The following SCARF1 variants were observed in gnomAD, a reference collection of about 807,000 sequenced individuals.
SCARF1 encodes the protein acetyl LDL receptor.
Under a neutral mutation model 76.3 loss-of-function variants are expected in SCARF1, and 49 were observed. The ratio of observed to expected loss-of-function variants is 0.64; its 90% confidence interval spans 0.51 to 0.81. SCARF1 has a LOEUF of 0.81. SCARF1 is among the 40% of genes least tolerant of loss of function. SCARF1 has a pLI of 0.00. For synonymous variants in SCARF1, 495 were observed against 474.6 expected, an observed-to-expected ratio of 1.04 and a Z score of -0.56; for missense variants, 1,098 against 1,143.9, an observed-to-expected ratio of 0.96 and a Z score of 0.58.
intron 4 of SCARF1, 109 bp downstream of exon 4, chr17:1,643,333 G>GC (rs1385692219): frequency 3.7e-5 from 2 of 53,584 alleles, no homozygotes; most frequent in Admixed American, 2.2e-4. Flanking sequence ...ACCTGTCTTC[G>GC]CCCCGCCCCC....
intron 4 of SCARF1, among the ~76,000 whole-genome samples, chr17:1,641,379 C>T (rs1910035772): frequency 6.6e-6 from 1 of 152,178 alleles, no homozygotes; most frequent in Admixed American, 6.5e-5. Flanking sequence ...ATGGGACCCT[C>T]GAGCTGCGGG....
Position 1,640,104 on chromosome 17 carries a change from C to T in SCARF1, c.1011-64G>A. The T allele has an allele frequency of 6.4e-7, 1 of 1,574,414 alleles. No homozygotes were observed. The highest frequency in any genetic ancestry group is 8.6e-7 in the Non-Finnish European group (1 of 1,158,360). ...CAGGCCTGGCCCCCACTGTGGGGCC[C>T]CACCCCTCCGCCCCACGCTCCTGGA... On this transcript the variant is annotated intron_variant, in intron 5 of 10. Transcript: ENST00000263071. This position sits in a 1 kb window ranked among gnomAD's most constrained non-coding sequence, Gnocchi z 4.7.
At position 1,640,667 on chromosome 17, in the gene SCARF1, C is replaced by A; in HGVS notation, c.792-1G>T. On this transcript the variant is annotated splice_acceptor_variant, in intron 4 of 10. Coordinates refer to ENST00000263071, the MANE Select transcript of SCARF1 (RefSeq NM_003693.4). LOFTEE classifies it high-confidence loss of function. The surrounding 1 kb of genome is among the most constrained non-coding windows in gnomAD (Gnocchi z 4.7). ...CTCATTGTGTTTGCAGCGGCCACAGCTGGGAAGAGAAGGGCTTCGTGGGAA... is the reference window on the plus strand; with the variant it reads ...CTCATTGTGTTTGCAGCGGCCACAGATGGGAAGAGAAGGGCTTCGTGGGAA... The A allele has an allele frequency of 1.9e-6, 3 of 1,610,964 alleles. No individual in the cohort carries two copies. In the South Asian group the frequency reaches 3.3e-5, roughly 18 times the overall value.
Position 1,634,766 on chromosome 17 carries a change from C to T in SCARF1, c.2485G>A (p.Glu829Lys), listed in dbSNP as rs1214600298. 1 of 1,592,130 alleles carries T rather than the reference C, an allele frequency of 6.3e-7. No individual in the cohort carries two copies. Among genetic ancestry groups the T allele is most frequent in the Non-Finnish European group, 8.6e-7 (1 of 1,165,744 alleles). ...CCCCAAATTCAAGGTCATCAGGGTT[C>T]TGGTGGCCTGGAGATGGGTACAACA... ...ENVVPISRPP[E>K]P The change falls in exon 11 of 11, where the codon GAA becomes AAA. Residue 829 changes from glutamate to lysine, a missense_variant. Coordinates refer to ENST00000263071, the MANE Select transcript of SCARF1 (RefSeq NM_003693.4).
chr17:1,644,404 T>G lies in SCARF1; in HGVS notation c.265+430A>C. The stretch of plus-strand genomic sequence containing the variant: ...CACCTTTCCCCTAGTGATTCCTTGA[T>G]TCCTGATGCCCACCCTCTGGCTCTC... On this transcript the variant is annotated intron_variant, in intron 3 of 10. Transcript: ENST00000263071. This position sits in a 1 kb window ranked among gnomAD's most constrained non-coding sequence, Gnocchi z 4.8. The G allele has an allele frequency of 1.1e-5, 3 of 267,668 alleles. No individual in the cohort carries two copies. Among genetic ancestry groups the G allele is most frequent in the Non-Finnish European group, 2.1e-5 (3 of 139,912 alleles). 16.6% of individuals were successfully genotyped at this position (267,668 alleles called of 1,614,324 possible).
intron 8 of SCARF1, chr17:1,638,529 G>A (rs1259739649): frequency 3.4e-6 from 1 of 290,072 alleles, no homozygotes; most frequent in Non-Finnish European, 6.4e-6. Context: ...CTTCCGAGGA[G>A]GGCAGGCAGC....
rs768689868 is a variant in SCARF1 at position 1,639,949 on chromosome 17, C to G, written c.1102G>C (p.Gly368Arg). 6.2e-7 allele frequency: 1 copy of G among 1,614,078 alleles called. No individual in the cohort carries two copies. ...CVQGSCDTVT[G>R]DCVCSAGYWG... Reference sequence around the variant, plus strand: ...TAGCCGGCACTGCAGACACAGTCCCCTGTCACAGTATCACAGGACCCCTGA... The same window carrying G: ...TAGCCGGCACTGCAGACACAGTCCCGTGTCACAGTATCACAGGACCCCTGA... Residue 368 changes from glycine to arginine, a missense_variant, in exon 6 of 11, where the codon GGG becomes CGG. Coordinates refer to ENST00000263071, the MANE Select transcript of SCARF1 (RefSeq NM_003693.4).
Position 1,634,588 on chromosome 17 carries a change from G to T in SCARF1, c.*170C>A. The T allele has an allele frequency of 2.3e-6, 2 of 861,636 alleles. No homozygotes were observed. Among genetic ancestry groups the T allele is most frequent in the Non-Finnish European group, 3.4e-6 (2 of 583,296 alleles). 53.4% of individuals were successfully genotyped at this position (861,636 alleles called of 1,614,324 possible). A position where few individuals can be genotyped will look rare whatever the true frequency, so the allele number is the denominator to read the frequency against. ...CAGGGTCTCTGCCCAGGCCTTCCTG[G>T]GCCCCTCCGGGAGCACTGCCAGGGG... On this transcript the variant is annotated 3_prime_UTR_variant, in exon 11 of 11. Coordinates refer to ENST00000263071, the MANE Select transcript of SCARF1 (RefSeq NM_003693.4).
rs1414861174 is a variant in SCARF1, at chr17:1,643,913, G to T, written c.320C>A (p.Pro107Gln). Residue 107 changes from proline (P) to glutamine (Q), a missense_variant, in exon 4 of 11, where the codon CCG (proline) becomes CAG (glutamine). By Grantham distance (76) the Pro-to-Gln change is moderately conservative. Transcript: ENST00000263071. The part of the protein sequence containing the change: ...PDCRESCPCH[P>Q]HGQCEPATGA... ...CGTGGCTGGCTCGCACTGGCCGTGC[G>T]GGTGGCAGGGGCAGCTCTCACGGCA... 2 of 1,344,554 alleles carry T rather than the reference G, an allele frequency of 1.5e-6. No homozygotes were observed. Among genetic ancestry groups the T allele is most frequent in the Non-Finnish European group, 1.9e-6 (2 of 1,051,130 alleles). The allele number at this position is 1,344,554 out of a possible 1,614,324, so 83.3% of individuals were successfully genotyped here.
Position 1,634,721 on chromosome 17 carries a change from G to C in SCARF1, c.*37C>G. Reference sequence around the variant, plus strand: ...ATTTTCCAGCACACAGCACAGTCTAGTCCATCCACTCTCCCCACTCCCCAA... The same window carrying C: ...ATTTTCCAGCACACAGCACAGTCTACTCCATCCACTCTCCCCACTCCCCAA... On this transcript the variant is annotated 3_prime_UTR_variant, in exon 11 of 11. Transcript: ENST00000263071. 6.4e-7 allele frequency: 1 copy of C among 1,551,010 alleles called. No individual in the cohort carries two copies. The highest frequency in any genetic ancestry group is 8.7e-7 in the Non-Finnish European group (1 of 1,146,210).
At position 1,634,692 on chromosome 17, in the gene SCARF1, G is replaced by C; in HGVS notation, c.*66C>G. On this transcript the variant is annotated 3_prime_UTR_variant, in exon 11 of 11. Coordinates refer to ENST00000263071, the MANE Select transcript of SCARF1 (RefSeq NM_003693.4). ...TCTGGTTTGTCTGTCCTGGCCCCGG[G>C]ATCATTTTCCAGCACACAGCACAGT... 6.7e-7 allele frequency: 1 copy of C among 1,502,398 alleles called. No individual in the cohort carries two copies. Among genetic ancestry groups the C allele is most frequent in the Non-Finnish European group, 8.9e-7 (1 of 1,124,346 alleles). The allele number at this position is 1,502,398 out of a possible 1,614,324, so 93.1% of individuals were successfully genotyped here. A position where few individuals can be genotyped will look rare whatever the true frequency, so the allele number is the denominator to read the frequency against.
At chr17:1,635,743 G>T in intron 10 of SCARF1, 126 bp from the exon 11 acceptor site, 3 of 1,168,944 alleles carry the variant, frequency 2.6e-6, no homozygotes, top group African/African-American at 1.6e-5. Context: ...GATGAGGAGA[G>T]TGGCAGAAGG....
intron 10 of SCARF1, among the ~76,000 whole-genome samples, chr17:1,636,367 G>T (rs566852545): frequency 6.6e-6 from 1 of 152,324 alleles, no homozygotes; most frequent in East Asian, 1.9e-4. Flanking sequence ...AGGCGCAGTG[G>T]CTCATGCCTG....
Position 1,635,001 on chromosome 17 carries a change from G to T in SCARF1, c.2250C>A (p.Val750=). The stretch of plus-strand genomic sequence containing the variant: ...TTGGGGCTGAGTTGGGGCTCTGGCC[G>T]ACAGAGCCAGAGGCAAGGCCAGGGC... ...KGSPGLASGS[V]GQSPNSAPKA... The change falls in exon 11 of 11, where the codon GTC becomes GTA. Residue 750 remains valine (V), a synonymous_variant. Transcript: ENST00000263071. The T allele has an allele frequency of 6.2e-7, 1 of 1,613,848 alleles. No individual in the cohort carries two copies. The highest frequency in any genetic ancestry group is 1.1e-5 in the South Asian group (1 of 91,076).
In SCARF1 at chr17:1,634,627, G is replaced by T; in HGVS notation, c.*131C>A. On this transcript the variant is annotated 3_prime_UTR_variant, in exon 11 of 11. Coordinates refer to ENST00000263071, the MANE Select transcript of SCARF1 (RefSeq NM_003693.4). ...CACTGCCAGGGGCCTGGGCCAACTG[G>T]CCTGGAAGCCTTGCCTTTTCCCTGT... 1 of 1,330,608 alleles carries T rather than the reference G, an allele frequency of 7.5e-7. No homozygotes were observed. The highest frequency in any genetic ancestry group is 1.0e-6 in the Non-Finnish European group (1 of 986,096). 82.4% of individuals were successfully genotyped at this position (1,330,608 alleles called of 1,614,324 possible).
At chr17:1,636,652 G>C in intron 10 of SCARF1, 57 bp downstream of exon 10, 1 of 1,575,488 alleles carries the variant, frequency 6.3e-7, no homozygotes, top group Non-Finnish European at 8.7e-7. Flanking sequence ...GAGGACTAAA[G>C]AGGGGGTCGT....
At position 1,633,901 on chromosome 17, in the gene SCARF1, T is replaced by A. The variant is rs1024142114; in HGVS notation, c.*857A>T. ...GTACTTTTTATTTTTTTAACAAAGATCATTGCTTTTTATTATACTTTATCA... is the reference window on the plus strand; with the variant it reads ...GTACTTTTTATTTTTTTAACAAAGAACATTGCTTTTTATTATACTTTATCA... On this transcript the variant is annotated 3_prime_UTR_variant, in exon 11 of 11. Coordinates refer to ENST00000263071, the MANE Select transcript of SCARF1 (RefSeq NM_003693.4). 2 of 152,166 alleles carry A rather than the reference T, an allele frequency of 1.3e-5. No individual in the cohort carries two copies. Among genetic ancestry groups the A allele is most frequent in the South Asian group, 4.1e-4 (2 of 4,836 alleles). 9.4% of individuals were successfully genotyped at this position (152,166 alleles called of 1,614,324 possible).
In SCARF1 at chr17:1,640,078, G is replaced by A; in HGVS notation, c.1011-38C>T. On this transcript the variant is annotated intron_variant, in intron 5 of 10. Transcript: ENST00000263071. The surrounding 1 kb of genome is among the most constrained non-coding windows in gnomAD (Gnocchi z 4.7). Reference sequence around the variant, plus strand: ...AAGACTCGGGGAAGGGGAGACCAAGGCAGGCCTGGCCCCCACTGTGGGGCC... The same window carrying A: ...AAGACTCGGGGAAGGGGAGACCAAGACAGGCCTGGCCCCCACTGTGGGGCC... The A allele has an allele frequency of 1.2e-6, 2 of 1,605,730 alleles. No homozygotes were observed. The highest frequency in any genetic ancestry group is 8.5e-7 in the Non-Finnish European group (1 of 1,176,394).
Position 1,639,619 on chromosome 17 carries a change from G to T in SCARF1, c.1243+20C>A. ...CGCCTTTCCCTGGCTACTGCACCCC[G>T]CAGCCTTCTTCCACCTTACCTGGCT... On this transcript the variant is annotated intron_variant, in intron 7 of 10. Coordinates refer to ENST00000263071, the MANE Select transcript of SCARF1 (RefSeq NM_003693.4). 2 of 1,537,672 alleles carry T rather than the reference G, an allele frequency of 1.3e-6. No homozygotes were observed. The highest frequency in any genetic ancestry group is 1.8e-6 in the Non-Finnish European group (2 of 1,133,946).
Sources: allele counts gnomAD v4.1 joint callset (sites outside exome capture counted in the v4.1 genomes callset), GRCh38; gene constraint gnomAD v4.1.1; non-coding constraint Gnocchi (gnomAD v3.1); transcripts MANE v1.5; gene names NCBI Gene and HGNC (gene_info 2026-07-23, HGNC 2026-07-21).